The following TADA2A variants were observed in gnomAD, a reference collection of about 807,000 sequenced individuals.
TADA2A encodes the protein transcriptional adapter 2-alpha.
TADA2A carries 38 observed loss-of-function variants against 67.4 expected under a neutral mutation model. The observed-to-expected ratio is 0.56, with a 90% confidence interval of 0.44 to 0.74. The LOEUF (loss-of-function observed/expected upper bound fraction) is 0.74. TADA2A is among the 30% of genes least tolerant of loss of function. TADA2A has a pLI of 0.00. For missense variants in TADA2A, 454 were observed against 547.0 expected, an observed-to-expected ratio of 0.83 and a Z score of 1.70; for synonymous variants, 192 against 181.6, an observed-to-expected ratio of 1.06 and a Z score of -0.46.
At chr17:37,448,611 A>G (rs1406216865) in intron 8 of TADA2A, among the ~76,000 whole-genome samples, 1 of 152,126 alleles carries the variant, frequency 6.6e-6, no homozygotes, top group African/African-American at 2.4e-5. Flanking sequence ...TCATTTGTAA[A>G]AATTCTTCCT....
chr17:37,418,423 T>A (rs1055643235), intron 2 of TADA2A, among the ~76,000 whole-genome samples: 1 of 152,082 alleles, frequency 6.6e-6, no homozygotes, highest in African/African-American at 2.4e-5. Context: ...GATTTCCAAA[T>A]GGCTCCCTAG....
At chr17:37,418,053 C>T (rs1027570868) in intron 2 of TADA2A, among the ~76,000 whole-genome samples, 7 of 152,046 alleles carry the variant, frequency 4.6e-5, no homozygotes, top group Non-Finnish European at 8.8e-5. Flanking sequence ...ATGATTCAAG[C>T]GTGTCATGTT....
chr17:37,429,045 CAAAAAA>C (rs375811520), intron 4 of TADA2A, among the ~76,000 whole-genome samples: 8 of 109,614 alleles, frequency 7.3e-5, no homozygotes, highest in Admixed American at 2.9e-4. Context: ...GACTCCGTCT[CAAAAAA>C]AAAAAAAAAA....
chr17:37,417,290 C>T (rs1471281832), intron 2 of TADA2A, among the ~76,000 whole-genome samples: 1 of 151,292 alleles, frequency 6.6e-6, no homozygotes, highest in Non-Finnish European at 1.5e-5. Flanking sequence ...GCAGGAGAGT[C>T]GCTTGAACCC....
At chr17:37,426,897 C>G (rs2052426779) in intron 3 of TADA2A, 53 bp from the exon 4 acceptor site, 1 of 1,521,412 alleles carries the variant, frequency 6.6e-7, no homozygotes. Flanking sequence ...CACAAACCTC[C>G]TCTGTCCTTT....
chr17:37,472,513 A>C (rs569484252), intron 14 of TADA2A, among the ~76,000 whole-genome samples: 17 of 152,084 alleles, frequency 1.1e-4, no homozygotes, highest in Admixed American at 2.6e-4. Context: ...TACTGCCAAC[A>C]CTCTACCCCC....
intron 11 of TADA2A, 73 bp from the exon 12 acceptor site, chr17:37,467,381 C>A: frequency 1.6e-6 from 2 of 1,238,622 alleles, no homozygotes; most frequent in South Asian, 1.3e-5. Flanking sequence ...TGAAAATGCT[C>A]AATAGCAAAA....
chr17:37,419,738 A>G (rs1226047049), intron 2 of TADA2A, among the ~76,000 whole-genome samples: 1 of 141,136 alleles, frequency 7.1e-6, no homozygotes, highest in African/African-American at 2.6e-5. Context: ...AGATCAAGCC[A>G]TTGCACTGCA....
intron 8 of TADA2A, among the ~76,000 whole-genome samples, chr17:37,447,264 C>T (rs1444092392): frequency 2.6e-5 from 4 of 152,126 alleles, no homozygotes; most frequent in Admixed American, 2.0e-4. Context: ...CAGGCTCAAG[C>T]GATTCTCGTG....
chr17:37,417,642 C>T (rs992425653), intron 2 of TADA2A, among the ~76,000 whole-genome samples: 1 of 151,880 alleles, frequency 6.6e-6, no homozygotes, highest in African/African-American at 2.4e-5. Flanking sequence ...TCAAGTGATT[C>T]TCATGCCACA....
At chr17:37,436,792 T>TTTTTTTTTTTTTTGTTTG (rs2052739479) in intron 4 of TADA2A, among the ~76,000 whole-genome samples, 1 of 151,920 alleles carries the variant, frequency 6.6e-6, no homozygotes, top group African/African-American at 2.4e-5. Context: ...TTTTTTTTTT[T>TTTTTTTTTTTTTTGTTTG]AAAGTGTGTT....
chr17:37,441,096 TAA>T (rs34338887), intron 6 of TADA2A, among the ~76,000 whole-genome samples: 109 of 132,006 alleles, frequency 8.3e-4, no homozygotes, highest in Admixed American at 1.2e-3. Flanking sequence ...CTTCATCTCT[TAA>T]AAAAAAAAAA....
At chr17:37,448,686 C>T (rs2053150010) in intron 8 of TADA2A, among the ~76,000 whole-genome samples, 2 of 152,074 alleles carry the variant, frequency 1.3e-5, no homozygotes, top group Admixed American at 1.3e-4. Flanking sequence ...TAATGTCTTC[C>T]AAGTCATTGT....
Position 37,441,748 on chromosome 17 carries a change from C to T in TADA2A, c.443-816C>T, listed in dbSNP as rs559236512. Among the ~76,000 whole-genome samples, 4 of 151,458 alleles carry T rather than the reference C, an allele frequency of 2.6e-5. No homozygotes were observed. The South Asian group carries it at 8.4e-4, about 32-fold the overall frequency. On this transcript the variant is annotated intron_variant, in intron 6 of 15. Transcript: ENST00000615182. ...GTGGCACAACCTCGGCTTACTGCAA[C>T]CTCCACCTCCAGGGTTCAAACGATT...
At chr17:37,424,781 C>T (rs1176227710) in intron 3 of TADA2A, among the ~76,000 whole-genome samples, 1 of 152,210 alleles carries the variant, frequency 6.6e-6, no homozygotes, top group Non-Finnish European at 1.5e-5. Flanking sequence ...GTCTTGAACT[C>T]CAGACCTCAG....
intron 15 of TADA2A, among the ~76,000 whole-genome samples, chr17:37,476,399 G>A (rs1327383835): frequency 6.6e-6 from 1 of 152,174 alleles, no homozygotes; most frequent in Admixed American, 6.5e-5. Flanking sequence ...GAATCCAAGT[G>A]TCTGTGCATT....
At chr17:37,407,729 G>C (rs1447535245) in intron 1 of TADA2A, among the ~76,000 whole-genome samples, 1 of 151,544 alleles carries the variant, frequency 6.6e-6, no homozygotes, top group East Asian at 1.9e-4. Flanking sequence ...TCTCGTGCCT[G>C]AGGCGTGGGC....
At chr17:37,474,459 A>T in intron 14 of TADA2A, 97 bp from the exon 15 acceptor site, 1 of 1,146,202 alleles carries the variant, frequency 8.7e-7, no homozygotes, top group Non-Finnish European at 1.3e-6. Context: ...GTGATCCTAT[A>T]CCTAACTGGC....
At chr17:37,474,462 TA>T in intron 14 of TADA2A, 93 bp from the exon 15 acceptor site, 1 of 1,200,092 alleles carries the variant, frequency 8.3e-7, no homozygotes, top group Non-Finnish European at 1.2e-6. Context: ...ATCCTATACC[TA>T]ACTGGCCTGG....
Sources: allele counts gnomAD v4.1 joint callset (sites outside exome capture counted in the v4.1 genomes callset), GRCh38; gene constraint gnomAD v4.1.1; transcripts MANE v1.5; gene names NCBI Gene and HGNC (gene_info 2026-07-23, HGNC 2026-07-21).